The following FGF13 variants were observed in gnomAD, a reference collection of about 807,000 sequenced individuals.
FGF13 encodes the protein fibroblast growth factor homologous factor 2.
Under a neutral mutation model 19.5 loss-of-function variants are expected in FGF13, and 2 were observed. The ratio of observed to expected loss-of-function variants is 0.10; its 90% CI spans 0.04 to 0.32. The LOEUF is 0.32. FGF13 is among the 10% of genes least tolerant of loss of function. The pLI, the probability that FGF13 is intolerant of heterozygous loss-of-function variation, is 1.00. For synonymous variants in FGF13, 72 were observed against 76.9 expected (o/e 0.94, Z 0.33); for missense variants, 113 against 192.7 (o/e 0.59, Z 2.45).
chrX:138,892,165 C>T (rs141706425), intron 1 of FGF13, among the ~76,000 whole-genome samples: 1 of 110,795 alleles, frequency 9.0e-6, no homozygotes, highest in African/African-American at 3.3e-5. Flanking sequence ...GAGATTATTA[C>T]CCAAATATGT....
chrX:138,942,759 AAAC>A (rs2091764637), intron 1 of FGF13, among the ~76,000 whole-genome samples: 1 of 111,919 alleles, frequency 8.9e-6, no homozygotes, highest in Admixed American at 9.5e-5. Flanking sequence ...ACAGGGGGAA[AAAC>A]AACGTCAATA....
intron 3 of FGF13, among the ~76,000 whole-genome samples, chrX:138,660,412 G>A (rs918051387): frequency 9.0e-6 from 1 of 111,303 alleles, no homozygotes; most frequent in South Asian, 3.8e-4. Context: ...CAATGATTTG[G>A]AGTGCCCTTC....
Position 138,619,962 on chromosome X carries a change from C to T in FGF13, c.*12888G>A, listed in dbSNP as rs1240082604. 2 of 111,724 alleles carry T rather than the reference C, an allele frequency of 1.8e-5. No homozygotes were observed. Among genetic ancestry groups the T allele is most frequent in the Admixed American group, 1.9e-4 (2 of 10,509 alleles). 9.2% of individuals were successfully genotyped at this position (111,724 alleles called of 1,213,427 possible). ...AACATTTGACCCAGCAATCCCATTA[C>T]TAGGTATATACCCAAAGGAATATAA... is the stretch of plus-strand genomic sequence containing the variant. On this transcript the variant is annotated 3_prime_UTR_variant, in exon 5 of 5. Transcript: ENST00000315930.
intron 1 of FGF13, among the ~76,000 whole-genome samples, chrX:138,960,738 C>T (rs753776709): frequency 1.7e-4 from 19 of 111,826 alleles, no homozygotes; most frequent in Non-Finnish European, 1.5e-4. Flanking sequence ...AACTTCTCTT[C>T]TCACTTCATT....
At chrX:139,106,288 A>G (rs755042455) in intron 1 of FGF13, among the ~76,000 whole-genome samples, 6 of 112,788 alleles carry the variant, frequency 5.3e-5, no homozygotes, top group African/African-American at 1.6e-4. Flanking sequence ...ATGACTCAAC[A>G]GAGCCACAGA....
intron 1 of FGF13, among the ~76,000 whole-genome samples, chrX:139,187,040 G>T (rs1468150475): frequency 8.9e-6 from 1 of 112,850 alleles, no homozygotes; most frequent in Non-Finnish European, 1.9e-5. Flanking sequence ...AGCCCTGCAA[G>T]GGCAGGGACA....
rs139294079 is a variant in FGF13 at position 139,183,048 on chromosome X, A to G, written c.-113+20368T>C. Among the ~76,000 whole-genome samples the G allele has an allele frequency of 6.4e-4, 71 of 111,447 alleles. 3 individuals are homozygous for G. The East Asian group carries it at 0.02, about 31-fold the overall frequency. The stretch of plus-strand genomic sequence containing the variant: ...ACCACCACATTCAAATATTTATATA[A>G]CAGATGGGCACTTCACTGAAGACAA... On this transcript the variant is annotated intron_variant, in intron 1 of 2. Coordinates refer to the FGF13 transcript ENST00000421460.
At chrX:139,163,272 C>T (rs776354189) in intron 1 of FGF13, among the ~76,000 whole-genome samples, 4 of 111,232 alleles carry the variant, frequency 3.6e-5, no homozygotes, top group Non-Finnish European at 7.5e-5. Flanking sequence ...AACCATCATT[C>T]TCAGCAAACT....
chrX:139,003,705 A>G (rs765081157), intron 1 of FGF13, among the ~76,000 whole-genome samples: 1 of 111,521 alleles, frequency 9.0e-6, no homozygotes, highest in African/African-American at 3.3e-5. Context: ...ACAAACCCTG[A>G]GCTAGACACA....
chrX:138,739,339 G>C (rs1006819418), exon 1 of FGF13: 12 of 1,142,473 alleles, frequency 1.1e-5, no homozygotes, highest in Non-Finnish European at 1.4e-5. Flanking sequence ...AGAGAGAGGA[G>C]ATCAGAGAAA....
chrX:138,813,295 C>T (rs928697267), intron 3 of FGF13, among the ~76,000 whole-genome samples: 2 of 111,398 alleles, frequency 1.8e-5, no homozygotes, highest in Non-Finnish European at 3.8e-5. Context: ...ACTATCATTG[C>T]GGAGTCTAGC....
intron 2 of FGF13, among the ~76,000 whole-genome samples, chrX:138,707,365 C>T (rs925272117): frequency 1.8e-5 from 2 of 110,868 alleles, no homozygotes; most frequent in Non-Finnish European, 3.8e-5. Context: ...GGGAAAGAAA[C>T]GTGACTGGAT....
intron 1 of FGF13, among the ~76,000 whole-genome samples, chrX:138,989,805 T>C (rs1603102903): frequency 1.9e-5 from 2 of 106,878 alleles, no homozygotes; most frequent in Admixed American, 2.0e-4. Flanking sequence ...CAGCCCAGAG[T>C]TATAAAACTA....
chrX:139,204,628 C>T (rs1311055172), upstream of FGF13, among the ~76,000 whole-genome samples: 1 of 113,073 alleles, frequency 8.8e-6, no homozygotes, highest in Non-Finnish European at 1.9e-5. Flanking sequence ...GGGCCGCCAA[C>T]TCGATCAAAA....
chrX:138,672,544 G>T (rs1404607675), intron 3 of FGF13, among the ~76,000 whole-genome samples: 1 of 112,003 alleles, frequency 8.9e-6, no homozygotes, highest in Admixed American at 9.5e-5. Context: ...GGAGAAGACT[G>T]TGAACATATA....
intron 3 of FGF13, among the ~76,000 whole-genome samples, chrX:138,684,406 G>A (rs906900161): frequency 9.0e-6 from 1 of 111,121 alleles, no homozygotes. Flanking sequence ...CTCTTATTAT[G>A]TGAAAGAGAA....
chrX:138,809,253 A>G (rs1602891589), intron 3 of FGF13, among the ~76,000 whole-genome samples: 1 of 112,118 alleles, frequency 8.9e-6, no homozygotes, highest in East Asian at 2.8e-4. Flanking sequence ...CATCACGATC[A>G]AGTTGGCTTC....
At chrX:138,786,663 C>A (rs1190378009) in intron 3 of FGF13, among the ~76,000 whole-genome samples, 3 of 34 alleles carry the variant, frequency 0.088, no homozygotes, top group African/African-American at 0.23. Context: ...TGATCATTCA[C>A]CAGCAAGCCA....
At chrX:138,954,095 C>CAAGAGAGAGA (rs374374818) in intron 1 of FGF13, among the ~76,000 whole-genome samples, 12 of 94,187 alleles carry the variant, frequency 1.3e-4, no homozygotes, top group East Asian at 1.1e-3. Context: ...GTAAATTTAA[C>CAAGAGAGAGA]GAGAGAGAGA....
Sources: gnomAD v4.1 joint callset for allele counts (sites outside exome capture counted in the v4.1 genomes callset) on GRCh38, gnomAD v4.1.1 for gene constraint, MANE v1.5 for transcripts, NCBI Gene and HGNC (gene_info 2026-07-23, HGNC 2026-07-21) for gene names.